The following BTBD9 variants were observed in gnomAD, a reference collection of about 807,000 sequenced individuals.
BTBD9 encodes BTB/POZ domain-containing protein 9.
In BTBD9, 49 loss-of-function variants were observed where a neutral mutation model predicts 64.3. The observed-to-expected ratio is 0.76, with a 90% CI of 0.61 to 0.97. The LOEUF is 0.97. Ranked by LOEUF, BTBD9 falls within the 50% of genes least tolerant of loss-of-function variation. BTBD9 has a pLI of 0.00. For missense variants in BTBD9, 598 were observed against 762.1 expected, an observed-to-expected ratio of 0.78 and a Z score of 2.53; for synonymous variants, 260 against 274.7, an observed-to-expected ratio of 0.95 and a Z score of 0.53.
chr6:38,613,050 T>C (rs561426034), intron 1 of BTBD9: 49 of 152,348 alleles, frequency 3.2e-4, no homozygotes, highest in African/African-American at 1.1e-3. Flanking sequence ...GTGTAAAATA[T>C]AAATTGTATT....
intron 9 of BTBD9, among the ~76,000 whole-genome samples, chr6:38,198,141 T>C (rs974117347): frequency 1.3e-5 from 2 of 152,266 alleles, no homozygotes; most frequent in African/African-American, 4.8e-5. Flanking sequence ...TAAACAGTTC[T>C]TGAAATAAAT....
At chr6:38,404,543 C>G (rs1017737440) in intron 6 of BTBD9, among the ~76,000 whole-genome samples, 1 of 126,348 alleles carries the variant, frequency 7.9e-6, no homozygotes, top group Admixed American at 7.8e-5. Flanking sequence ...CCGCCCAGAG[C>G]AAGTCAATAA....
chr6:38,318,547 G>T (rs1348576334), intron 7 of BTBD9, among the ~76,000 whole-genome samples: 1 of 152,164 alleles, frequency 6.6e-6, no homozygotes, highest in Non-Finnish European at 1.5e-5. Flanking sequence ...GGTGGTTGTG[G>T]ATAAGATCCA....
At chr6:38,191,065 G>C (rs1370267460) in intron 10 of BTBD9, among the ~76,000 whole-genome samples, 1 of 152,184 alleles carries the variant, frequency 6.6e-6, no homozygotes, top group East Asian at 1.9e-4. Context: ...AATTGTTTAT[G>C]ACCTGGTGTT....
rs1022434860 is a variant in BTBD9, at chr6:38,443,789, G to A, written c.1155-98696C>T. On this transcript the variant is annotated intron_variant, in intron 6 of 10. Transcript: ENST00000481247. ...TGCTACGACCTTAGCCTCCTAGCTA[G>A]CATCTCTTCTCTCATCAAAATTACT... 6.1e-4 allele frequency among the ~76,000 whole-genome samples: 93 copies of A among 152,220 alleles called. 1 individual carries two copies. In the East Asian group the frequency reaches 0.015, roughly 25 times the overall value.
rs117961325 is a variant in BTBD9 at position 38,463,087 on chromosome 6, C to A, written c.1154+114513G>T. On this transcript the variant is annotated intron_variant, in intron 6 of 10. Coordinates refer to ENST00000481247, the MANE Select transcript of BTBD9 (RefSeq NM_001099272.2). The stretch of plus-strand genomic sequence containing the variant: ...CTGGGATTACAGGCATGAGCCGATG[C>A]GCCTGGCCTTGCACATCTTTTATCA... 6.3e-3 allele frequency among the ~76,000 whole-genome samples: 962 copies of A among 152,242 alleles called. 4 individuals carry two copies. Among genetic ancestry groups the A allele is most frequent in the East Asian group, 0.04 (208 of 5,188 alleles).
At chr6:38,308,299 G>A (rs1276649635) in intron 7 of BTBD9, among the ~76,000 whole-genome samples, 1 of 152,166 alleles carries the variant, frequency 6.6e-6, no homozygotes, top group Non-Finnish European at 1.5e-5. Context: ...TGAACTAACA[G>A]GCAATATCTC....
chr6:38,569,814 T>G (rs1273208536), intron 6 of BTBD9, among the ~76,000 whole-genome samples: 1 of 152,132 alleles, frequency 6.6e-6, no homozygotes, highest in Admixed American at 6.5e-5. Flanking sequence ...GTTGTTGTGT[T>G]TTCCCCCTAA....
rs141881332 is a variant in BTBD9, at chr6:38,317,084, C to T, written c.1264+27900G>A. On this transcript the variant is annotated intron_variant, in intron 7 of 10. Transcript: ENST00000481247. ...GATCTCGGCTCACTGCAACCTCCACCCCCTGGATTCAAGTGATTCTCCTGC... is the reference window on the plus strand; with the variant it reads ...GATCTCGGCTCACTGCAACCTCCACTCCCTGGATTCAAGTGATTCTCCTGC... Among the ~76,000 whole-genome samples, 23 of 150,400 alleles carry T rather than the reference C, an allele frequency of 1.5e-4. No homozygotes were observed. The East Asian group carries it at 4.5e-3, about 30-fold the overall frequency.
intron 10 of BTBD9, among the ~76,000 whole-genome samples, chr6:38,181,514 C>A (rs912106658): frequency 6.6e-6 from 1 of 152,204 alleles, no homozygotes; most frequent in Non-Finnish European, 1.5e-5. Flanking sequence ...CAGATCCTGA[C>A]GATGGTCACC....
At chr6:38,549,892 T>G (rs1213949603) in intron 6 of BTBD9, among the ~76,000 whole-genome samples, 1 of 152,106 alleles carries the variant, frequency 6.6e-6, no homozygotes, top group African/African-American at 2.4e-5. Context: ...TAATCTTACA[T>G]GACCTCTTGG....
intron 9 of BTBD9, among the ~76,000 whole-genome samples, chr6:38,201,307 G>A (rs549208287): frequency 2.1e-4 from 32 of 152,242 alleles, no homozygotes; most frequent in Admixed American, 8.5e-4. Context: ...ATCAATAAAC[G>A]TGATACATTA....
chr6:38,324,859 T>TTAG (rs2127577903), intron 7 of BTBD9, among the ~76,000 whole-genome samples: 1 of 152,280 alleles, frequency 6.6e-6, no homozygotes, highest in South Asian at 2.1e-4. Context: ...AGGAAATTCA[T>TTAG]TGCAGTCCTG....
At chr6:38,465,749 A>ATGTATG (rs1279268427) in intron 6 of BTBD9, among the ~76,000 whole-genome samples, 30 of 38,582 alleles carry the variant, frequency 7.8e-4, no homozygotes, top group Non-Finnish European at 9.5e-4. Flanking sequence ...ATATATATAT[A>ATGTATG]TATATATGTA....
chr6:38,302,483 A>ATGTATGTGTG (rs1554137006), intron 7 of BTBD9, among the ~76,000 whole-genome samples: 12 of 78,540 alleles, frequency 1.5e-4, no homozygotes, highest in African/African-American at 6.4e-4. Flanking sequence ...CATTGTGTGT[A>ATGTATGTGTG]TGTATATATA....
intron 7 of BTBD9, among the ~76,000 whole-genome samples, chr6:38,329,196 C>T (rs1044812901): frequency 2.0e-5 from 3 of 151,738 alleles, no homozygotes; most frequent in East Asian, 1.9e-4. Context: ...TCCTCTTTTG[C>T]GGTTATTATA....
chr6:38,443,954 G>A (rs1048463705), intron 6 of BTBD9, among the ~76,000 whole-genome samples: 1 of 152,118 alleles, frequency 6.6e-6, no homozygotes, highest in Non-Finnish European at 1.5e-5. Context: ...CTGCTTAAGT[G>A]GTTTCCTGCC....
intron 6 of BTBD9, among the ~76,000 whole-genome samples, chr6:38,531,991 G>A (rs1156811770): frequency 1.3e-5 from 2 of 152,176 alleles, no homozygotes; most frequent in East Asian, 1.9e-4. Context: ...AAACTCAGGT[G>A]AGCACTCACA....
intron 9 of BTBD9, among the ~76,000 whole-genome samples, chr6:38,251,829 C>T (rs1582115598): frequency 6.7e-6 from 1 of 149,264 alleles, no homozygotes. Context: ...TAGGCGGAGG[C>T]TGCAGTGAGC....
Sources: gnomAD v4.1 joint callset for allele counts (sites outside exome capture counted in the v4.1 genomes callset) on GRCh38, gnomAD v4.1.1 for gene constraint, MANE v1.5 for transcripts, NCBI Gene and HGNC (gene_info 2026-07-23, HGNC 2026-07-21) for gene names.